ADCY1: variants seen among roughly 807,000 people sequenced by gnomAD.
ADCY1 encodes adenylate cyclase type 1.
ADCY1 carries 28 observed loss-of-function variants against 105.4 expected under a neutral mutation model. That is an observed-to-expected ratio of 0.27 (90% CI 0.20 to 0.36). The LOEUF is 0.36. Ranked by LOEUF, ADCY1 falls within the 10% of genes least tolerant of loss-of-function variation. The probability of loss-of-function intolerance (pLI) is 1.00; values close to 1 mark genes in which losing one functional copy is unlikely to be tolerated. For synonymous variants in ADCY1, 655 were observed against 623.8 expected (o/e 1.05, Z -0.75); for missense variants, 977 against 1,434.2 (o/e 0.68, Z 5.15).
At position 45,575,892 on chromosome 7, in the gene ADCY1, G is replaced by T. The variant is rs1792330704; in HGVS notation, c.639+710G>T. On this transcript the variant is annotated intron_variant, in intron 1 of 19. Coordinates refer to ENST00000297323, the MANE Select transcript of ADCY1 (RefSeq NM_021116.4). This position sits in a 1 kb window ranked among gnomAD's most constrained non-coding sequence, Gnocchi z 4.7. ...AGATGGTTGCAAGGACGGGGACGCTGTCTGCCTCCCGCGGACTCTTCCTGG... is the reference window on the plus strand; with the variant it reads ...AGATGGTTGCAAGGACGGGGACGCTTTCTGCCTCCCGCGGACTCTTCCTGG... Among the ~76,000 whole-genome samples, 1 of 152,268 alleles carries T rather than the reference G, an allele frequency of 6.6e-6. No individual in the cohort carries two copies. Among genetic ancestry groups the T allele is most frequent in the Admixed American group, 6.5e-5 (1 of 15,290 alleles).
At chr7:45,600,670 T>C (rs1373942901) in intron 2 of ADCY1, among the ~76,000 whole-genome samples, 1 of 152,172 alleles carries the variant, frequency 6.6e-6, no homozygotes, top group Non-Finnish European at 1.5e-5. Context: ...ACAAGAGAAA[T>C]GTATTTCCTC....
At chr7:45,576,934 A>G (rs1398633555) in intron 1 of ADCY1, among the ~76,000 whole-genome samples, 1 of 152,178 alleles carries the variant, frequency 6.6e-6, no homozygotes, top group Admixed American at 6.5e-5. Context: ...CTTTTAAAAT[A>G]AAGACATTTC....
chr7:45,656,677 A>G (rs1794953261), intron 5 of ADCY1, among the ~76,000 whole-genome samples: 1 of 150,642 alleles, frequency 6.6e-6, no homozygotes, highest in African/African-American at 2.4e-5. Context: ...GTGAAGGTGA[A>G]CCAGACACAG....
At chr7:45,695,784 A>G (rs979747967) in intron 14 of ADCY1, among the ~76,000 whole-genome samples, 4 of 152,242 alleles carry the variant, frequency 2.6e-5, no homozygotes, top group Non-Finnish European at 5.9e-5. Flanking sequence ...AAGAAAGAAG[A>G]TGTCTGTGGT....
chr7:45,671,113 C>T (rs894383953), intron 8 of ADCY1, among the ~76,000 whole-genome samples: 1 of 152,220 alleles, frequency 6.6e-6, no homozygotes, highest in African/African-American at 2.4e-5. Flanking sequence ...TCATTATCTC[C>T]AGCTTCAGGA....
chr7:45,695,551 G>A (rs1258916781), intron 14 of ADCY1, among the ~76,000 whole-genome samples: 1 of 152,190 alleles, frequency 6.6e-6, no homozygotes, highest in African/African-American at 2.4e-5. Flanking sequence ...AGAATTAGAA[G>A]TCCTCAGCTC....
intron 4 of ADCY1, among the ~76,000 whole-genome samples, chr7:45,627,226 G>T (rs182376983): frequency 2.0e-5 from 3 of 152,216 alleles, no homozygotes; most frequent in Admixed American, 1.3e-4. Context: ...CCACAGCCAG[G>T]ATTGGAAGCG....
intron 5 of ADCY1, among the ~76,000 whole-genome samples, chr7:45,651,364 G>T (rs1794806364): frequency 6.6e-6 from 1 of 152,230 alleles, no homozygotes; most frequent in Non-Finnish European, 1.5e-5. Flanking sequence ...GCCACATTGG[G>T]CTGTGTGTGT....
At chr7:45,593,024 TG>T (rs1291359978) in intron 2 of ADCY1, 116 bp downstream of exon 2, 1 of 1,363,400 alleles carries the variant, frequency 7.3e-7, no homozygotes, top group Non-Finnish European at 1.0e-6. Context: ...CAATTCCCAT[TG>T]GTACATGTTG....
intron 1 of ADCY1, among the ~76,000 whole-genome samples, chr7:45,584,961 CAT>C (rs914819598): frequency 1.3e-5 from 2 of 152,234 alleles, no homozygotes; most frequent in African/African-American, 2.4e-5. Context: ...TGTTCTGGAA[CAT>C]TCTGTTCCCC....
chr7:45,644,824 C>T (rs1302304837), intron 4 of ADCY1, among the ~76,000 whole-genome samples: 1 of 152,184 alleles, frequency 6.6e-6, no homozygotes, highest in African/African-American at 2.4e-5. Flanking sequence ...CTTAAGCTTG[C>T]TAACAAAAGC....
intron 4 of ADCY1, among the ~76,000 whole-genome samples, chr7:45,632,094 T>G (rs369085758): frequency 7.9e-5 from 12 of 152,332 alleles, no homozygotes; most frequent in East Asian, 7.7e-4. Context: ...CTGAATTCCC[T>G]TTCCAAAATG....
Position 45,657,718 on chromosome 7 carries a change from G to A in ADCY1, c.1149-9G>A. ...GGCCCTAGCCCCACGCTCTGTGTCT[G>A]TGTTGCAGATCTGTGGCTGAAGCCA... is the stretch of plus-strand genomic sequence containing the variant. On this transcript the variant is annotated splice_polypyrimidine_tract_variant and intron_variant, in intron 5 of 19. Transcript: ENST00000297323. The A allele has an allele frequency of 6.2e-7, 1 of 1,612,262 alleles. No homozygotes were observed. Among genetic ancestry groups the A allele is most frequent in the Non-Finnish European group, 8.5e-7 (1 of 1,179,222 alleles).
chr7:45,684,330 T>C (rs1188557465), intron 11 of ADCY1: 1 of 152,244 alleles, frequency 6.6e-6, no homozygotes, highest in Non-Finnish European at 1.5e-5. Flanking sequence ...TCTGACCTCA[T>C]GTGGGGGTTA....
At chr7:45,711,677 A>G (rs1785237995) in intron 19 of ADCY1, among the ~76,000 whole-genome samples, 2 of 142,866 alleles carry the variant, frequency 1.4e-5, no homozygotes, top group Admixed American at 7.1e-5. Flanking sequence ...ACATATACAC[A>G]TATATACACA....
intron 14 of ADCY1, among the ~76,000 whole-genome samples, chr7:45,694,896 C>G (rs1374459236): frequency 2.0e-5 from 3 of 152,242 alleles, no homozygotes; most frequent in Non-Finnish European, 4.4e-5. Flanking sequence ...TCCCTACAGT[C>G]CTTTGCCTAA....
chr7:45,706,806 A>T (rs966814314), intron 17 of ADCY1, among the ~76,000 whole-genome samples: 1 of 152,188 alleles, frequency 6.6e-6, no homozygotes, highest in Non-Finnish European at 1.5e-5. Context: ...CAAGCCACCT[A>T]TCTGATAAAG....
At chr7:45,646,521 GCA>G (rs1794668661) in intron 4 of ADCY1, among the ~76,000 whole-genome samples, 1 of 152,236 alleles carries the variant, frequency 6.6e-6, no homozygotes, top group South Asian at 2.1e-4. Flanking sequence ...GCCAGCCACT[GCA>G]CAGAGACCCT....
At chr7:45,698,104 G>A (rs1301816565) in intron 14 of ADCY1, among the ~76,000 whole-genome samples, 2 of 152,028 alleles carry the variant, frequency 1.3e-5, no homozygotes, top group Non-Finnish European at 2.9e-5. Flanking sequence ...AAGATGCTAA[G>A]TATTTTATAG....
Sources: gnomAD v4.1 joint callset for allele counts (sites outside exome capture counted in the v4.1 genomes callset) on GRCh38, gnomAD v4.1.1 for gene constraint, Gnocchi (gnomAD v3.1) non-coding constraint, MANE v1.5 for transcripts, NCBI Gene and HGNC (gene_info 2026-07-23, HGNC 2026-07-21) for gene names.